Variants in DIAPH2 observed in about 807,000 individuals in gnomAD.
DIAPH2 encodes the protein diaphanous related formin 2.
A neutral mutation model predicts 92.7 loss-of-function variants in DIAPH2; 35 were observed. The ratio of observed to expected loss-of-function variants is 0.38; its 90% CI spans 0.29 to 0.50. The LOEUF is 0.50. DIAPH2 is among the 20% of genes least tolerant of loss of function. DIAPH2 has a pLI of 0.94. For synonymous variants in DIAPH2, 301 were observed against 280.4 expected (o/e 1.07, Z -0.73); for missense variants, 701 against 819.5 (o/e 0.86, Z 1.77).
rs1000813414 is a variant in DIAPH2 at position 96,902,504 on chromosome X, T to C, written c.588-9824T>C. On this transcript the variant is annotated intron_variant, in intron 5 of 26. Transcript: ENST00000324765. ...TAAATGCAGGATTGTAGTATCTTCT[T>C]GTTGGTCCTGAGAGAGGAGATTTTT... is the stretch of plus-strand genomic sequence containing the variant. 3.6e-5 allele frequency among the ~76,000 whole-genome samples: 4 copies of C among 111,200 alleles called. No individual in the cohort carries two copies. In the Admixed American group the frequency reaches 3.8e-4, roughly 11 times the overall value.
At chrX:97,311,745 C>A (rs759010650) in intron 23 of DIAPH2, among the ~76,000 whole-genome samples, 48 of 111,465 alleles carry the variant, frequency 4.3e-4, no homozygotes, top group Non-Finnish European at 7.9e-4. Flanking sequence ...AAACCATAAT[C>A]CCTGGCTAAT....
chrX:97,163,306 C>G (rs912095184), intron 22 of DIAPH2, among the ~76,000 whole-genome samples: 4 of 111,169 alleles, frequency 3.6e-5, no homozygotes, highest in Non-Finnish European at 7.5e-5. Context: ...TGCCCCCACC[C>G]CTACCTCGCC....
chrX:97,099,742 G>C lies in DIAPH2; in HGVS notation c.2296G>C (p.Glu766Gln). Reference protein sequence around the residue: ...PEQKILNELAELKNEYDDLCE... With the variant: ...PEQKILNELAQLKNEYDDLCE... ...GCAGAAGATACTCAACGAATTAGCA[G>C]AGCTTAAGAATGAATATGATGACCT... The change falls in exon 20 of 27, where the codon GAG becomes CAG. Residue 766 changes from glutamate to glutamine, a missense_variant. Glu to Gln is a conservative substitution (Grantham distance 29). Transcript: ENST00000324765. 8.4e-7 allele frequency: 1 copy of C among 1,188,424 alleles called. No individual in the cohort carries two copies. The highest frequency in any genetic ancestry group is 1.1e-6 in the Non-Finnish European group (1 of 885,045).
chrX:97,178,503 A>AGT (rs1291839082), intron 22 of DIAPH2, among the ~76,000 whole-genome samples: 1 of 77,509 alleles, frequency 1.3e-5, no homozygotes, highest in Non-Finnish European at 2.2e-5. Flanking sequence ...CCCAGGCTGG[A>AGT]GTGCAGTGGC....
At chrX:97,278,123 C>T (rs1213463080) in intron 23 of DIAPH2, among the ~76,000 whole-genome samples, 1 of 112,252 alleles carries the variant, frequency 8.9e-6, no homozygotes, top group Non-Finnish European at 1.9e-5. Flanking sequence ...GGACTACAGG[C>T]GTGAGCCACC....
intron 26 of DIAPH2, among the ~76,000 whole-genome samples, chrX:97,521,614 C>T (rs1297930943): frequency 2.7e-5 from 3 of 111,109 alleles, no homozygotes; most frequent in Non-Finnish European, 5.7e-5. Flanking sequence ...ATGCTATTCT[C>T]AGGATAGTAT....
chrX:97,506,029 A>T (rs2070829637), intron 26 of DIAPH2, among the ~76,000 whole-genome samples: 1 of 109,788 alleles, frequency 9.1e-6, no homozygotes, highest in African/African-American at 3.3e-5. Context: ...TCATAGCTTT[A>T]ACAGTGGCAT....
At chrX:97,245,984 C>T (rs1286801925) in intron 22 of DIAPH2, among the ~76,000 whole-genome samples, 1 of 106,950 alleles carries the variant, frequency 9.4e-6, no homozygotes, top group African/African-American at 3.4e-5. Flanking sequence ...CTCACTGCAA[C>T]CTCCACCTCC....
intron 22 of DIAPH2, among the ~76,000 whole-genome samples, chrX:97,200,688 G>A (rs1327142054): frequency 8.9e-6 from 1 of 111,858 alleles, no homozygotes; most frequent in Non-Finnish European, 1.9e-5. Context: ...TCATCTTCCT[G>A]GGACAGAGCA....
At chrX:96,977,787 A>C (rs750302078) in intron 17 of DIAPH2, among the ~76,000 whole-genome samples, 8 of 110,406 alleles carry the variant, frequency 7.2e-5, no homozygotes, top group Non-Finnish European at 1.3e-4. Context: ...GGGTTCAAGC[A>C]GTTCTCCTGC....
At chrX:97,363,658 T>A (rs747905738) in intron 24 of DIAPH2, among the ~76,000 whole-genome samples, 1 of 76,752 alleles carries the variant, frequency 1.3e-5, no homozygotes, top group Admixed American at 1.7e-4. Context: ...AGAGCGTGAC[T>A]CTGCCTCAAA....
chrX:97,268,655 C>T (rs1201016488), intron 23 of DIAPH2, among the ~76,000 whole-genome samples: 1 of 111,437 alleles, frequency 9.0e-6, no homozygotes, highest in Non-Finnish European at 1.9e-5. Flanking sequence ...CAAGTTTACT[C>T]AGTTTTAAAT....
At chrX:97,196,082 C>G (rs2067700901) in intron 22 of DIAPH2, among the ~76,000 whole-genome samples, 2 of 111,478 alleles carry the variant, frequency 1.8e-5, no homozygotes, top group Non-Finnish European at 3.8e-5. Context: ...AAGAATATGA[C>G]AATGATATCT....
At chrX:97,574,866 A>G (rs1197448269) in intron 26 of DIAPH2, among the ~76,000 whole-genome samples, 1 of 112,118 alleles carries the variant, frequency 8.9e-6, no homozygotes, top group Non-Finnish European at 1.9e-5. Flanking sequence ...GAAGGCTGAT[A>G]GGGTAAGGGT....
At chrX:97,141,916 G>C in intron 22 of DIAPH2, 122 bp downstream of exon 22, 1 of 790,853 alleles carries the variant, frequency 1.3e-6, no homozygotes, top group East Asian at 3.8e-5. Context: ...TAAAAGAAAA[G>C]CAGGAAAATA....
chrX:96,960,331 T>G (rs2065839194), intron 16 of DIAPH2, among the ~76,000 whole-genome samples: 1 of 111,561 alleles, frequency 9.0e-6, no homozygotes, highest in Non-Finnish European at 1.9e-5. Context: ...CTTCTTTGGT[T>G]AAATTTATTC....
chrX:97,262,797 A>G (rs772572146), intron 23 of DIAPH2, among the ~76,000 whole-genome samples: 1 of 112,164 alleles, frequency 8.9e-6, no homozygotes, highest in East Asian at 2.8e-4. Flanking sequence ...GGTGACCTAA[A>G]ACACATGAAC....
At chrX:97,384,163 T>C in intron 25 of DIAPH2, 119 bp downstream of exon 25, 2 of 633,443 alleles carry the variant, frequency 3.2e-6, no homozygotes, top group Middle Eastern at 4.9e-4. Context: ...TAGTTACTTG[T>C]GCTAAATTTC....
chrX:97,018,931 C>T (rs1473602514), intron 17 of DIAPH2, among the ~76,000 whole-genome samples: 1 of 111,651 alleles, frequency 9.0e-6, no homozygotes, highest in Non-Finnish European at 1.9e-5. Flanking sequence ...CCTCCAAACC[C>T]CTGACAACCA....
Sources: gnomAD v4.1 joint callset for allele counts (sites outside exome capture counted in the v4.1 genomes callset) on GRCh38, gnomAD v4.1.1 for gene constraint, MANE v1.5 for transcripts, NCBI Gene and HGNC (gene_info 2026-07-23, HGNC 2026-07-21) for gene names.